Variants in CCDC171 observed in about 807,000 individuals in gnomAD.
CCDC171 encodes the protein coiled-coil domain-containing protein 171.
A neutral mutation model predicts 168.2 loss-of-function variants in CCDC171; 177 were observed. The ratio of observed to expected loss-of-function variants is 1.05; its 90% confidence interval spans 0.93 to 1.19. The LOEUF is 1.19. CCDC171 is among the 50% of genes most tolerant of loss of function. The pLI is 0.00. For missense variants in CCDC171, 1,991 were observed against 1,539.0 expected (o/e 1.29, Z -4.91); for synonymous variants, 687 against 540.8 (o/e 1.27, Z -3.75).
intron 21 of CCDC171, among the ~76,000 whole-genome samples, chr9:15,846,209 TAA>T (rs1384741722): frequency 6.6e-6 from 1 of 152,152 alleles, no homozygotes; most frequent in African/African-American, 2.4e-5. Context: ...TATATATTTA[TAA>T]AGACAGTAGT....
chr9:16,028,218 T>C (rs927998151), intron 6 of CCDC171, among the ~76,000 whole-genome samples: 3 of 152,130 alleles, frequency 2.0e-5, no homozygotes, highest in African/African-American at 7.2e-5. Context: ...TGAGGTCCAA[T>C]CTGAAAGCCA....
At chr9:15,986,633 C>G (rs1589298401) in intron 3 of CCDC171, among the ~76,000 whole-genome samples, 2 of 152,170 alleles carry the variant, frequency 1.3e-5, no homozygotes, top group African/African-American at 4.8e-5. Context: ...ACTTGTTTGC[C>G]TGGCACCTGC....
At chr9:15,902,766 G>C (rs1265486862) in intron 24 of CCDC171, among the ~76,000 whole-genome samples, 23 of 152,202 alleles carry the variant, frequency 1.5e-4, no homozygotes, top group Non-Finnish European at 1.5e-5. Flanking sequence ...AAGGGGTCAG[G>C]GAATTCCCTT....
At chr9:15,573,428 C>T (rs1348054430) in intron 3 of CCDC171, among the ~76,000 whole-genome samples, 4 of 152,064 alleles carry the variant, frequency 2.6e-5, no homozygotes, top group South Asian at 2.1e-4. Flanking sequence ...ACTACAGGCA[C>T]GTGCCACCAT....
At chr9:15,827,980 T>G (rs1049028517) in intron 21 of CCDC171, among the ~76,000 whole-genome samples, 26 of 152,208 alleles carry the variant, frequency 1.7e-4, no homozygotes, top group Non-Finnish European at 2.9e-5. Flanking sequence ...CTTTCTTTCT[T>G]AGAAGTCTTC....
At chr9:16,050,011 C>G (rs553334873) in intron 1 of CCDC171, among the ~76,000 whole-genome samples, 1 of 152,282 alleles carries the variant, frequency 6.6e-6, no homozygotes, top group East Asian at 1.9e-4. Context: ...CTTAGCCTCC[C>G]AAGTAGCTGG....
chr9:15,603,882 A>C (rs2043041214), intron 6 of CCDC171, among the ~76,000 whole-genome samples: 1 of 152,150 alleles, frequency 6.6e-6, no homozygotes, highest in Non-Finnish European at 1.5e-5. Context: ...CTGTAAAAGC[A>C]TTCCTCTTTC....
At chr9:15,914,791 G>T (rs1824259896) in intron 24 of CCDC171, among the ~76,000 whole-genome samples, 1 of 152,134 alleles carries the variant, frequency 6.6e-6, no homozygotes, top group African/African-American at 2.4e-5. Context: ...GTACCCAAGG[G>T]AATCTCCTGG....
chr9:15,779,231 G>C, intron 20 of CCDC171, 81 bp downstream of exon 20: 1 of 761,468 alleles, frequency 1.3e-6, no homozygotes, highest in South Asian at 5.5e-5. Flanking sequence ...CTTAACTTTT[G>C]TTATGTGTGG....
chr9:15,974,132 A>G (rs757059697), downstream of CCDC171: 2 of 152,124 alleles, frequency 1.3e-5, no homozygotes, highest in African/African-American at 4.8e-5. Flanking sequence ...AAATCAAAGC[A>G]TGTCACATTT....
At chr9:15,562,796 T>C (rs937922355) in intron 1 of CCDC171, among the ~76,000 whole-genome samples, 1 of 152,182 alleles carries the variant, frequency 6.6e-6, no homozygotes, top group African/African-American at 2.4e-5. Flanking sequence ...CCATTCCTTC[T>C]GGGTTCTAAC....
At chr9:15,950,850 C>G (rs1829066941) in intron 25 of CCDC171, among the ~76,000 whole-genome samples, 1 of 151,230 alleles carries the variant, frequency 6.6e-6, no homozygotes, top group African/African-American at 2.4e-5. Flanking sequence ...AGAGTCAAGA[C>G]CCATCAGTGT....
At chr9:15,601,115 C>T (rs929252449) in intron 6 of CCDC171, among the ~76,000 whole-genome samples, 20 of 152,194 alleles carry the variant, frequency 1.3e-4, no homozygotes, top group Non-Finnish European at 2.5e-4. Context: ...TGCTTCGACT[C>T]ACGCTCAGTG....
chr9:15,787,230 TGTG>T (rs1012768962), intron 21 of CCDC171, among the ~76,000 whole-genome samples: 1 of 152,180 alleles, frequency 6.6e-6, no homozygotes, highest in Non-Finnish European at 1.5e-5. Context: ...ATCATTTCTT[TGTG>T]GTGATAATCC....
At chr9:15,824,721 T>C (rs1347623981) in intron 21 of CCDC171, among the ~76,000 whole-genome samples, 1 of 152,160 alleles carries the variant, frequency 6.6e-6, no homozygotes, top group Non-Finnish European at 1.5e-5. Flanking sequence ...TTGAATAATG[T>C]GGTACCTTTC....
intron 9 of CCDC171, among the ~76,000 whole-genome samples, chr9:15,671,024 C>T (rs967313941): frequency 3.3e-5 from 5 of 151,978 alleles, no homozygotes; most frequent in South Asian, 4.1e-4. Context: ...CTGAGTAGTT[C>T]GAGGCTGCAG....
intron 24 of CCDC171, among the ~76,000 whole-genome samples, chr9:15,902,281 T>TATATATAC (rs1554673437): frequency 4.1e-5 from 6 of 145,202 alleles, no homozygotes; most frequent in African/African-American, 1.5e-4. Flanking sequence ...TATATATATA[T>TATATATAC]ACACACACAC....
intron 11 of CCDC171, among the ~76,000 whole-genome samples, chr9:15,696,292 A>T (rs2051208900): frequency 6.6e-6 from 1 of 152,274 alleles, no homozygotes; most frequent in East Asian, 1.9e-4. Flanking sequence ...TGCCTTGTGG[A>T]TCTGTAGATT....
chr9:16,033,593 A>G lies in CCDC171; in HGVS notation n.999-1864A>G, dbSNP rs1289914549. Among the ~76,000 whole-genome samples, 4 of 152,210 alleles carry G rather than the reference A, an allele frequency of 2.6e-5. No homozygotes were observed. In the East Asian group the frequency reaches 5.8e-4, roughly 22 times the overall value. On this transcript the variant is annotated intron_variant and non_coding_transcript_variant, in intron 6 of 9. Coordinates refer to the CCDC171 transcript ENST00000486641. ...CTGATTCTACATTATGGTGAGTTGT[A>G]TAATTATTTCATTATATATTACAAT... is the stretch of plus-strand genomic sequence containing the variant.
Sources: allele counts gnomAD v4.1 joint callset (sites outside exome capture counted in the v4.1 genomes callset), GRCh38; gene constraint gnomAD v4.1.1; transcripts MANE v1.5; gene names NCBI Gene and HGNC (gene_info 2026-07-23, HGNC 2026-07-21).